The following ANKRD44 variants were observed in gnomAD, a reference collection of about 807,000 sequenced individuals.
The protein encoded by ANKRD44 is ankyrin repeat domain 44, also known as serine/threonine-protein phosphatase 6 regulatory ankyrin repeat subunit B.
In ANKRD44, 35 loss-of-function variants were observed where a neutral mutation model predicts 116.0. The ratio of observed to expected loss-of-function variants is 0.30; its 90% CI spans 0.23 to 0.40. The LOEUF is 0.40. ANKRD44 is among the 10% of genes least tolerant of loss of function. ANKRD44 has a pLI of 1.00. For synonymous variants in ANKRD44, 435 were observed against 461.8 expected (o/e 0.94, Z 0.74); for missense variants, 1,014 against 1,242.6 (o/e 0.82, Z 2.77).
At position 197,303,196 on chromosome 2, in the gene ANKRD44, C is replaced by T. The variant is rs150543772; in HGVS notation, c.27+7382G>A. ...GCCACAAACACACTTGGGAGAAAAT[C>T]AGAAGTTCATAAAAGGCAGATACTT... On this transcript the variant is annotated intron_variant, in intron 1 of 27. Transcript: ENST00000282272. Among the ~76,000 whole-genome samples, 427 of 152,320 alleles carry T rather than the reference C, an allele frequency of 2.8e-3. 5 individuals carry two copies. Among genetic ancestry groups the T allele is most frequent in the African/African-American group, 9.9e-3 (413 of 41,566 alleles).
chr2:197,176,128 T>G lies in ANKRD44; in HGVS notation c.111+10895A>C, dbSNP rs145427197. On this transcript the variant is annotated intron_variant, in intron 2 of 27. Transcript: ENST00000282272. Reference sequence around the variant, plus strand: ...GGAGATAGAAGCCATCTACCAAGGATGGCAGCACAAAAGGAAACAAAGATT... The same window carrying G: ...GGAGATAGAAGCCATCTACCAAGGAGGGCAGCACAAAAGGAAACAAAGATT... 7.5e-4 allele frequency among the ~76,000 whole-genome samples: 114 copies of G among 152,308 alleles called. 2 individuals carry two copies. The South Asian group carries it at 0.023, about 30-fold the overall frequency.
intron 21 of ANKRD44, among the ~76,000 whole-genome samples, chr2:196,974,167 C>T (rs780708134): frequency 6.6e-6 from 1 of 152,068 alleles, no homozygotes; most frequent in Non-Finnish European, 1.5e-5. Context: ...ACTGCAGCCT[C>T]TATCTCCGAG....
At chr2:197,147,886 C>T in intron 2 of ANKRD44, 1 of 456,088 alleles carries the variant, frequency 2.2e-6, no homozygotes, top group Non-Finnish European at 4.4e-6. Flanking sequence ...GATATTATCT[C>T]TGTTTTATAG....
intron 1 of ANKRD44, among the ~76,000 whole-genome samples, chr2:197,237,505 A>G (rs2082002857): frequency 6.6e-6 from 1 of 152,256 alleles, no homozygotes; most frequent in South Asian, 2.1e-4. Flanking sequence ...GTGCTCATTA[A>G]AAATATTTCA....
chr2:197,187,188 T>C lies in ANKRD44; in HGVS notation c.28-82A>G, dbSNP rs914638138. The C allele has an allele frequency of 2.2e-6, 3 of 1,394,438 alleles. No individual in the cohort carries two copies. In the African/African-American group the frequency reaches 4.3e-5, roughly 20 times the overall value. The allele number at this position is 1,394,438 out of a possible 1,614,324, so 86.4% of individuals were successfully genotyped here. On this transcript the variant is annotated intron_variant, in intron 1 of 27. Coordinates refer to ENST00000282272, the MANE Select transcript of ANKRD44 (RefSeq NM_001195144.2). ...AGATGCAGATGGTGAGAAGATTTGT[T>C]CCTTAAAAGTTTATTGAACCATTAT...
chr2:197,145,975 T>G (rs1286857182), intron 3 of ANKRD44, among the ~76,000 whole-genome samples: 1 of 152,212 alleles, frequency 6.6e-6, no homozygotes, highest in Non-Finnish European at 1.5e-5. Flanking sequence ...GTGAGACATC[T>G]GCACATGCTC....
intron 17 of ANKRD44, among the ~76,000 whole-genome samples, chr2:197,016,737 A>G (rs1370141889): frequency 6.6e-6 from 1 of 152,114 alleles, no homozygotes; most frequent in African/African-American, 2.4e-5. Context: ...AAAAACTCAG[A>G]ATTCACAAAA....
intron 1 of ANKRD44, among the ~76,000 whole-genome samples, chr2:197,265,391 G>A (rs2105751302): frequency 6.6e-6 from 1 of 151,852 alleles, no homozygotes; most frequent in South Asian, 2.1e-4. Flanking sequence ...GGACTATAGG[G>A]GTGCGTCACA....
intron 1 of ANKRD44, among the ~76,000 whole-genome samples, chr2:197,265,113 T>C (rs1253652264): frequency 6.6e-6 from 1 of 152,192 alleles, no homozygotes; most frequent in Non-Finnish European, 1.5e-5. Flanking sequence ...AATCCCACTC[T>C]AGCCAAAAAT....
chr2:197,146,568 G>C (rs1030319987), intron 3 of ANKRD44, among the ~76,000 whole-genome samples: 3 of 150,934 alleles, frequency 2.0e-5, no homozygotes, highest in Admixed American at 6.6e-5. Context: ...TATATATAGA[G>C]AGAGAGTATA....
chr2:197,028,708 A>G (rs1217708743), intron 16 of ANKRD44: 1 of 165,596 alleles, frequency 6.0e-6, no homozygotes, highest in Non-Finnish European at 1.3e-5. Context: ...CTCATTTAAA[A>G]GCTTATGCAG....
chr2:197,002,287 T>C (rs1256532321), intron 21 of ANKRD44, among the ~76,000 whole-genome samples: 1 of 152,230 alleles, frequency 6.6e-6, no homozygotes, highest in Admixed American at 6.5e-5. Flanking sequence ...AGATAATGCA[T>C]GTGAAAATTG....
intron 1 of ANKRD44, among the ~76,000 whole-genome samples, chr2:197,305,216 T>G (rs895611660): frequency 6.6e-6 from 1 of 152,154 alleles, no homozygotes; most frequent in African/African-American, 2.4e-5. Flanking sequence ...CAAAAAACAC[T>G]TAACCAATCA....
chr2:197,176,107 A>G (rs535062415), intron 2 of ANKRD44, among the ~76,000 whole-genome samples: 4 of 152,266 alleles, frequency 2.6e-5, no homozygotes, highest in African/African-American at 7.2e-5. Context: ...GAGCAAGGAG[A>G]TAGAAGCCAT....
intron 2 of ANKRD44, among the ~76,000 whole-genome samples, chr2:197,156,196 A>G (rs966000781): frequency 1.3e-5 from 2 of 152,128 alleles, no homozygotes; most frequent in African/African-American, 4.8e-5. Flanking sequence ...AATACAAAAA[A>G]TTAGCCGGGC....
In ANKRD44 at chr2:197,009,038, A is replaced by C. The variant is rs1197869180; in HGVS notation, c.1925-7T>G. 6.2e-7 allele frequency: 1 copy of C among 1,612,104 alleles called. No individual in the cohort carries two copies. Among genetic ancestry groups the C allele is most frequent in the Non-Finnish European group, 8.5e-7 (1 of 1,178,282 alleles). On this transcript the variant is annotated splice_polypyrimidine_tract_variant and splice_region_variant and intron_variant, in intron 18 of 27. Coordinates refer to ENST00000282272, the MANE Select transcript of ANKRD44 (RefSeq NM_001195144.2). ...AGTGTGTGACCATTAATTACTGAAA[A>C]AGAAAACAGTGGACAGTCTTTTAAC...
chr2:197,295,525 C>A (rs991065741), intron 1 of ANKRD44, among the ~76,000 whole-genome samples: 19 of 152,266 alleles, frequency 1.2e-4, no homozygotes, highest in African/African-American at 4.6e-4. Context: ...GGCTCACGGG[C>A]CATTTAAAGC....
At chr2:197,288,308 G>A (rs1003719112) in intron 1 of ANKRD44, among the ~76,000 whole-genome samples, 4 of 152,026 alleles carry the variant, frequency 2.6e-5, no homozygotes, top group African/African-American at 9.7e-5. Context: ...CTTCATGGGC[G>A]GTATATAAAG....
chr2:197,268,348 C>T (rs1163369988), intron 1 of ANKRD44, among the ~76,000 whole-genome samples: 1 of 152,182 alleles, frequency 6.6e-6, no homozygotes, highest in East Asian at 1.9e-4. Context: ...AAAGAGATGA[C>T]AAGTTATCCA....
Sources: allele counts gnomAD v4.1 joint callset (sites outside exome capture counted in the v4.1 genomes callset), GRCh38; gene constraint gnomAD v4.1.1; transcripts MANE v1.5; gene names NCBI Gene and HGNC (gene_info 2026-07-23, HGNC 2026-07-21).